The following RB1 variants were observed in gnomAD, a reference collection of about 807,000 sequenced individuals.
RB1 encodes the protein retinoblastoma-associated protein.
RB1 carries 18 observed loss-of-function variants against 135.4 expected under a neutral mutation model. The observed-to-expected ratio is 0.13, with a 90% CI of 0.09 to 0.20. The LOEUF is 0.20. Ranked by LOEUF, RB1 falls within the 10% of genes least tolerant of loss-of-function variation. The pLI is 1.00. For missense variants in RB1, 868 were observed against 1,110.0 expected (o/e 0.78, Z 3.10); for synonymous variants, 365 against 373.2 (o/e 0.98, Z 0.25).
intron 17 of RB1, among the ~76,000 whole-genome samples, chr13:48,395,044 G>C (rs1566204148): frequency 6.6e-6 from 1 of 151,792 alleles, no homozygotes; most frequent in Non-Finnish European, 1.5e-5. Context: ...AGCTTCCAGA[G>C]GAAGGAACAG....
rs4151464 is a variant in RB1 at position 48,345,691 on chromosome 13, A to G, written c.500+492A>G. Among the ~76,000 whole-genome samples, 1,406 of 152,276 alleles carry G rather than the reference A, an allele frequency of 9.2e-3. 12 individuals are homozygous for G. The highest frequency in any genetic ancestry group is 0.012 in the Non-Finnish European group (800 of 68,004). ...AATATGCTTAGGTTAAGTTTTTTCTATACTTTTCATCAAAACTGTACTTCC... is the reference window on the plus strand; with the variant it reads ...AATATGCTTAGGTTAAGTTTTTTCTGTACTTTTCATCAAAACTGTACTTCC... On this transcript the variant is annotated intron_variant, in intron 4 of 26. Coordinates refer to ENST00000267163, the MANE Select transcript of RB1 (RefSeq NM_000321.3).
chr13:48,365,827 G>A (rs1952690135), intron 9 of RB1, among the ~76,000 whole-genome samples: 1 of 152,168 alleles, frequency 6.6e-6, no homozygotes, highest in East Asian at 1.9e-4. Flanking sequence ...AGTGCTAGTG[G>A]GAGAGGCTGA....
intron 6 of RB1, among the ~76,000 whole-genome samples, chr13:48,359,287 G>T (rs1456374712): frequency 6.0e-5 from 9 of 151,114 alleles, no homozygotes; most frequent in Non-Finnish European, 1.0e-4. Context: ...AAGATTTTAT[G>T]GTGAACAATT....
chr13:48,411,924 G>T, intron 17 of RB1: 1 of 1,612,628 alleles, frequency 6.2e-7, no homozygotes, highest in South Asian at 1.1e-5. Context: ...TTCAAAGCAG[G>T]CTTCTGAGGC....
chr13:48,438,164 T>C (rs1949202529), intron 17 of RB1, among the ~76,000 whole-genome samples: 1 of 152,224 alleles, frequency 6.6e-6, no homozygotes, highest in Non-Finnish European at 1.5e-5. Flanking sequence ...CTATGAAATC[T>C]GTATTTTAGC....
intron 2 of RB1, among the ~76,000 whole-genome samples, chr13:48,337,259 G>C (rs1177283042): frequency 6.6e-6 from 1 of 152,176 alleles, no homozygotes; most frequent in Non-Finnish European, 1.5e-5. Flanking sequence ...TCATTGAACT[G>C]TCTAATGTTG....
At chr13:48,476,969 G>A in intron 25 of RB1, 126 bp downstream of exon 25, 1 of 1,266,310 alleles carries the variant, frequency 7.9e-7, no homozygotes, top group Non-Finnish European at 1.1e-6. Context: ...TTGTGAGAAT[G>A]GCTCAAAATA....
At chr13:48,306,712 C>T (rs955990006) in intron 1 of RB1, among the ~76,000 whole-genome samples, 5 of 152,180 alleles carry the variant, frequency 3.3e-5, no homozygotes, top group Admixed American at 6.5e-5. Context: ...ATTCTTCATA[C>T]TATTCTTATT....
At chr13:48,313,398 TG>T (rs921333696) in intron 2 of RB1, among the ~76,000 whole-genome samples, 9 of 151,814 alleles carry the variant, frequency 5.9e-5, no homozygotes, top group African/African-American at 2.2e-4. Context: ...GTTTTTTTTT[TG>T]GTTGCTTGGG....
Position 48,473,398 on chromosome 13 carries a change from T to C in RB1, c.2520+8T>C, listed in dbSNP as rs1949484671. On this transcript the variant is annotated splice_region_variant and intron_variant, in intron 24 of 26. Transcript: ENST00000267163. ...ATTGGTGAATCATTCGGGGTGAGTATTTTCTTTCTATGAAATATAATAGTA... is the reference window on the plus strand; with the variant it reads ...ATTGGTGAATCATTCGGGGTGAGTACTTTCTTTCTATGAAATATAATAGTA... 1 of 1,556,060 alleles carries C rather than the reference T, an allele frequency of 6.4e-7. No individual in the cohort carries two copies.
At chr13:48,474,187 T>G (rs1207346782) in intron 24 of RB1, among the ~76,000 whole-genome samples, 2 of 152,110 alleles carry the variant, frequency 1.3e-5, no homozygotes, top group Non-Finnish European at 2.9e-5. Context: ...GGGGTTTTTA[T>G]GGGGGTTTCA....
At chr13:48,338,622 G>T (rs139328700) in intron 2 of RB1, among the ~76,000 whole-genome samples, 11 of 152,314 alleles carry the variant, frequency 7.2e-5, no homozygotes, top group African/African-American at 2.6e-4. Context: ...TGTTGGGTTA[G>T]AACTTCCTTC....
intron 6 of RB1, among the ~76,000 whole-genome samples, chr13:48,350,752 C>A (rs1952540463): frequency 6.6e-6 from 1 of 152,068 alleles, no homozygotes; most frequent in African/African-American, 2.4e-5. Context: ...TCAAGTAGAC[C>A]CCAGTGCCTG....
At chr13:48,374,912 T>C (rs1321907555) in intron 12 of RB1, among the ~76,000 whole-genome samples, 1 of 152,188 alleles carries the variant, frequency 6.6e-6, no homozygotes, top group Non-Finnish European at 1.5e-5. Context: ...GCCATCTTTA[T>C]GTCCATGAGT....
At chr13:48,312,567 G>C (rs1320085790) in intron 2 of RB1, among the ~76,000 whole-genome samples, 4 of 152,126 alleles carry the variant, frequency 2.6e-5, no homozygotes, top group African/African-American at 9.7e-5. Flanking sequence ...GGTTTACCTT[G>C]GTATTCAGTG....
intron 2 of RB1, chr13:48,328,694 A>G: frequency 2.2e-6 from 1 of 463,748 alleles, no homozygotes. Context: ...CCCAGCAGTC[A>G]AGAGTCAAGC....
rs2138142664 is a variant in RB1, at chr13:48,380,156, T to C, written c.1422-9T>C. On this transcript the variant is annotated splice_polypyrimidine_tract_variant and intron_variant, in intron 15 of 26. Transcript: ENST00000267163. ...TAAGTATTTTATAATCTTTTTTTTTTTCCTTTAGCAAACTTCTGAATGACA... is the reference window on the plus strand; with the variant it reads ...TAAGTATTTTATAATCTTTTTTTTTCTCCTTTAGCAAACTTCTGAATGACA... 5.1e-6 allele frequency: 8 copies of C among 1,557,856 alleles called. No individual in the cohort carries two copies. The highest frequency in any genetic ancestry group is 6.9e-6 in the Non-Finnish European group (8 of 1,151,554).
At chr13:48,320,415 G>T (rs1952224416) in intron 2 of RB1, 1 of 1,106,746 alleles carries the variant, frequency 9.0e-7, no homozygotes. Flanking sequence ...TCCCTGGTGG[G>T]CCAAAGGCCT....
chr13:48,359,968 A>G lies in RB1; in HGVS notation c.608-49A>G, dbSNP rs752912308. On this transcript the variant is annotated intron_variant, in intron 6 of 26. Transcript: ENST00000267163. ...TCTACCCTGCGATTTTCTCTCATACAAAGATCTGAATCTCTAACTTTCTTT... is the reference window on the plus strand; with the variant it reads ...TCTACCCTGCGATTTTCTCTCATACGAAGATCTGAATCTCTAACTTTCTTT... The G allele has an allele frequency of 5.6e-6, 9 of 1,604,068 alleles. No homozygotes were observed. The Admixed American group carries it at 1.5e-4, about 27-fold the overall frequency.
Sources: gnomAD v4.1 joint callset for allele counts (sites outside exome capture counted in the v4.1 genomes callset) on GRCh38, gnomAD v4.1.1 for gene constraint, MANE v1.5 for transcripts, NCBI Gene and HGNC (gene_info 2026-07-23, HGNC 2026-07-21) for gene names.